Variants in EYA2 observed in about 807,000 individuals in gnomAD.
EYA2 encodes protein phosphatase EYA2.
A neutral mutation model predicts 69.2 loss-of-function variants in EYA2; 31 were observed. The observed-to-expected ratio is 0.45, with a 90% CI of 0.34 to 0.60. EYA2 has a LOEUF of 0.60. EYA2 is among the 20% of genes least tolerant of loss of function. The pLI, the probability that EYA2 is intolerant of heterozygous loss-of-function variation, is 0.02. For missense variants in EYA2, 622 were observed against 701.2 expected (o/e 0.89, Z 1.28); for synonymous variants, 257 against 279.4 (o/e 0.92, Z 0.80).
intron 13 of EYA2, 67 bp downstream of exon 13, chr20:47,179,979 G>T (rs928167736): frequency 2.8e-6 from 3 of 1,089,962 alleles, no homozygotes; most frequent in Non-Finnish European, 4.2e-6. Context: ...GGTGGCTCCT[G>T]CATGTCCACA....
chr20:47,001,942 T>A (rs1295142868), intron 3 of EYA2, among the ~76,000 whole-genome samples: 6 of 151,698 alleles, frequency 4.0e-5, no homozygotes, highest in Non-Finnish European at 7.4e-5. Flanking sequence ...TCTATTTTTT[T>A]TTTCTCCGAG....
intron 5 of EYA2, among the ~76,000 whole-genome samples, chr20:47,064,117 G>A (rs574654464): frequency 9.9e-5 from 15 of 152,092 alleles, no homozygotes; most frequent in South Asian, 2.1e-4. Context: ...CACCATGCCC[G>A]GTTAATTTTT....
At chr20:46,992,075 C>T (rs774940619) in intron 2 of EYA2, among the ~76,000 whole-genome samples, 161 of 151,764 alleles carry the variant, frequency 1.1e-3, no homozygotes, top group Non-Finnish European at 1.4e-3. Context: ...GTAGATGAAT[C>T]CCCGCCTCTC....
intron 1 of EYA2, among the ~76,000 whole-genome samples, chr20:46,914,018 C>G (rs1222392363): frequency 6.6e-6 from 1 of 152,226 alleles, no homozygotes; most frequent in Non-Finnish European, 1.5e-5. Context: ...TGCTGTCCTA[C>G]TGTGTTTTCT....
At chr20:47,013,486 A>G (rs1048188496) in intron 4 of EYA2, among the ~76,000 whole-genome samples, 1 of 152,218 alleles carries the variant, frequency 6.6e-6, no homozygotes, top group Non-Finnish European at 1.5e-5. Flanking sequence ...GTATCCAACC[A>G]AGACAAACAC....
At chr20:46,990,229 A>C in intron 2 of EYA2, 110 bp downstream of exon 2, 1 of 567,216 alleles carries the variant, frequency 1.8e-6, no homozygotes, top group South Asian at 2.7e-5. Context: ...TCCTTAGGAC[A>C]ATTTCTCCCC....
chr20:47,138,391 G>T (rs573505425), intron 9 of EYA2, among the ~76,000 whole-genome samples: 1 of 152,082 alleles, frequency 6.6e-6, no homozygotes, highest in African/African-American at 2.4e-5. Flanking sequence ...TAAACATTTG[G>T]GTGTCTTCAA....
At chr20:46,915,728 T>C (rs1984873345) in intron 1 of EYA2, among the ~76,000 whole-genome samples, 1 of 152,222 alleles carries the variant, frequency 6.6e-6, no homozygotes, top group Non-Finnish European at 1.5e-5. Flanking sequence ...CTGGGGCCAT[T>C]GGGAGATCTG....
chr20:46,907,475 T>G (rs535527484), intron 1 of EYA2, among the ~76,000 whole-genome samples: 60 of 152,156 alleles, frequency 3.9e-4, no homozygotes, highest in Non-Finnish European at 8.2e-4. Flanking sequence ...GAGTGGGGAC[T>G]CCCCACCCTC....
intron 1 of EYA2, among the ~76,000 whole-genome samples, chr20:46,976,683 A>T (rs1356381169): frequency 6.6e-6 from 1 of 152,122 alleles, no homozygotes; most frequent in Non-Finnish European, 1.5e-5. Flanking sequence ...CCATGCCCGG[A>T]CCCTAAGAGA....
intron 1 of EYA2, among the ~76,000 whole-genome samples, chr20:46,968,797 C>T (rs1979949712): frequency 6.6e-6 from 1 of 152,150 alleles, no homozygotes; most frequent in South Asian, 2.1e-4. Context: ...CCCCCACCGA[C>T]CCCACTAAGA....
chr20:47,132,729 TGGTGGCCATTTG>T (rs1329736469), intron 9 of EYA2, among the ~76,000 whole-genome samples: 10 of 152,234 alleles, frequency 6.6e-5, no homozygotes, highest in Non-Finnish European at 1.3e-4. Context: ...AGGCAATTTG[TGGTGGCCATTTG>T]GGTGAGTCCC....
At chr20:47,142,968 A>G (rs2033626803) in intron 9 of EYA2, 91 bp from the exon 10 acceptor site, 1 of 1,196,644 alleles carries the variant, frequency 8.4e-7, no homozygotes, top group Admixed American at 2.2e-5. Flanking sequence ...AAAAACCAAA[A>G]CTGCTTTTCG....
At chr20:47,033,627 G>A (rs1984540349) in intron 5 of EYA2, among the ~76,000 whole-genome samples, 2 of 152,198 alleles carry the variant, frequency 1.3e-5, no homozygotes. Context: ...CAGGCAAGGT[G>A]TCGGGGAGAG....
intron 1 of EYA2, among the ~76,000 whole-genome samples, chr20:46,980,435 C>T (rs563968080): frequency 1.3e-5 from 2 of 151,808 alleles, no homozygotes; most frequent in Non-Finnish European, 2.9e-5. Flanking sequence ...ACAAAAAACT[C>T]GCTGTGCTGA....
chr20:47,081,020 A>G (rs1193670928), intron 7 of EYA2, among the ~76,000 whole-genome samples: 1 of 152,070 alleles, frequency 6.6e-6, no homozygotes, highest in Non-Finnish European at 1.5e-5. Context: ...GTGTGCCACC[A>G]TGCGCAGCTA....
At chr20:46,977,996 AT>A (rs1256184836) in intron 1 of EYA2, among the ~76,000 whole-genome samples, 1 of 152,176 alleles carries the variant, frequency 6.6e-6, no homozygotes, top group Non-Finnish European at 1.5e-5. Flanking sequence ...CTGGGGCGTG[AT>A]ATACCTGTAT....
At chr20:47,186,876 A>G (rs1303358063) in intron 15 of EYA2, among the ~76,000 whole-genome samples, 2 of 152,110 alleles carry the variant, frequency 1.3e-5, no homozygotes. Flanking sequence ...TTTCTTCCAT[A>G]TACATGCACA....
chr20:46,955,528 A>G (rs551160066), intron 1 of EYA2, among the ~76,000 whole-genome samples: 1 of 152,382 alleles, frequency 6.6e-6, no homozygotes, highest in East Asian at 1.9e-4. Flanking sequence ...TCATAGAGCA[A>G]TAAAATGATG....
Sources: gnomAD v4.1 joint callset for allele counts (sites outside exome capture counted in the v4.1 genomes callset) on GRCh38, gnomAD v4.1.1 for gene constraint, MANE v1.5 for transcripts, NCBI Gene and HGNC (gene_info 2026-07-23, HGNC 2026-07-21) for gene names.